Variants in SPOCK3 observed in about 807,000 individuals in gnomAD.
SPOCK3 encodes the protein SPARC (osteonectin), cwcv and kazal like domains proteoglycan 3.
Under a neutral mutation model 56.6 loss-of-function variants are expected in SPOCK3, and 30 were observed. That is an observed-to-expected ratio of 0.53 (90% CI 0.40 to 0.72). The LOEUF is 0.72. SPOCK3 is among the 30% of genes least tolerant of loss of function. The pLI is 0.00. For missense variants in SPOCK3, 527 were observed against 530.0 expected, an observed-to-expected ratio of 0.99 and a Z score of 0.06; for synonymous variants, 196 against 183.3, an observed-to-expected ratio of 1.07 and a Z score of -0.56.
chr4:166,743,726 G>C (rs1179411051), intron 8 of SPOCK3, among the ~76,000 whole-genome samples: 1 of 152,146 alleles, frequency 6.6e-6, no homozygotes, highest in Non-Finnish European at 1.5e-5. Context: ...GTGATAGACG[G>C]TACCTGGAAA....
At chr4:166,912,827 C>CA (rs1328081864) in intron 4 of SPOCK3, 84 bp from the exon 5 acceptor site, 1 of 1,123,876 alleles carries the variant, frequency 8.9e-7, no homozygotes, top group African/African-American at 1.6e-5. Flanking sequence ...CCTAAACTGC[C>CA]ATTCCAACTC....
chr4:167,135,723 T>A (rs1306246114), intron 2 of SPOCK3, among the ~76,000 whole-genome samples: 2 of 144,236 alleles, frequency 1.4e-5, no homozygotes, highest in Non-Finnish European at 3.0e-5. Flanking sequence ...GTGTGTAAAA[T>A]TGTTAGGCTG....
At chr4:167,092,148 T>C (rs28625551) in intron 2 of SPOCK3, among the ~76,000 whole-genome samples, 47,843 of 151,890 alleles carry the variant, frequency 0.31, 9,644 homozygotes, top group African/African-American at 0.57. Context: ...GAGGGCAAGC[T>C]GAAGTAGGGT....
intron 2 of SPOCK3, among the ~76,000 whole-genome samples, chr4:167,150,060 T>G (rs187389487): frequency 4.7e-4 from 72 of 152,220 alleles, no homozygotes; most frequent in African/African-American, 1.6e-3. Context: ...TGAATTGTTC[T>G]CTTGATGTGT....
At chr4:167,136,423 C>T (rs2150391180) in intron 2 of SPOCK3, among the ~76,000 whole-genome samples, 1 of 152,124 alleles carries the variant, frequency 6.6e-6, no homozygotes, top group African/African-American at 2.4e-5. Context: ...AAAAGAACAA[C>T]ATAAATATGA....
At chr4:167,204,247 C>G (rs1322122986) in intron 2 of SPOCK3, among the ~76,000 whole-genome samples, 1 of 151,738 alleles carries the variant, frequency 6.6e-6, no homozygotes, top group Non-Finnish European at 1.5e-5. Context: ...TAGAAACTCT[C>G]TGGATACAAG....
intron 6 of SPOCK3, among the ~76,000 whole-genome samples, chr4:166,807,378 C>T (rs1743289480): frequency 6.6e-6 from 1 of 151,694 alleles, no homozygotes; most frequent in South Asian, 2.1e-4. Flanking sequence ...TCATCTTCGT[C>T]ACTTAAGGAG....
chr4:166,886,702 TA>T (rs535304730), intron 6 of SPOCK3, among the ~76,000 whole-genome samples: 671 of 152,284 alleles, frequency 4.4e-3, no homozygotes, highest in Non-Finnish European at 6.6e-3. Context: ...CAGAAAGATT[TA>T]AGAAATATCT....
intron 7 of SPOCK3, 109 bp downstream of exon 7, chr4:166,792,061 T>A (rs1741415295): frequency 1.6e-6 from 2 of 1,273,216 alleles, no homozygotes; most frequent in Non-Finnish European, 2.2e-6. Context: ...TTTTATTCAG[T>A]ATATATGCAG....
At chr4:167,091,705 G>C (rs1465812427) in intron 2 of SPOCK3, among the ~76,000 whole-genome samples, 2 of 152,060 alleles carry the variant, frequency 1.3e-5, no homozygotes, top group Non-Finnish European at 2.9e-5. Context: ...TTTAATTTTT[G>C]TAATACTGTG....
chr4:166,870,313 CA>C (rs1338837624), intron 6 of SPOCK3, among the ~76,000 whole-genome samples: 3 of 151,834 alleles, frequency 2.0e-5, no homozygotes, highest in East Asian at 1.9e-4. Flanking sequence ...TGATAAAGCA[CA>C]AAAAAATTAG....
chr4:166,770,310 A>C (rs1738757521), intron 7 of SPOCK3, among the ~76,000 whole-genome samples: 1 of 151,872 alleles, frequency 6.6e-6, no homozygotes, highest in Middle Eastern at 3.2e-3. Context: ...AGCTGTTCCT[A>C]TTCGACCATC....
At chr4:167,185,228 T>C (rs764767056) in intron 2 of SPOCK3, among the ~76,000 whole-genome samples, 5 of 152,290 alleles carry the variant, frequency 3.3e-5, no homozygotes, top group African/African-American at 1.2e-4. Context: ...CATCAGGGCA[T>C]GGAATATGGG....
chr4:167,148,770 T>G (rs1349367339), intron 2 of SPOCK3, among the ~76,000 whole-genome samples: 1 of 152,144 alleles, frequency 6.6e-6, no homozygotes, highest in Admixed American at 6.6e-5. Context: ...ATATAGTGCC[T>G]TCCTTGAAAC....
At chr4:166,896,083 CATT>C (rs1164364839) in intron 5 of SPOCK3, among the ~76,000 whole-genome samples, 37 of 151,992 alleles carry the variant, frequency 2.4e-4, no homozygotes, top group African/African-American at 8.9e-4. Flanking sequence ...GCAGTTAGAA[CATT>C]ATTAAGAGTA....
rs183028254 is a variant in SPOCK3 at position 166,949,338 on chromosome 4, C to T, written c.351-36595G>A. 2.3e-3 allele frequency among the ~76,000 whole-genome samples: 350 copies of T among 152,346 alleles called. 10 individuals are homozygous for T. In the East Asian group the frequency reaches 0.063, roughly 27 times the overall value. ...ATCGTCTGAAGCCTTCTTCTCTCAA[C>T]TCGTCAAAGTCATTCTCCATCCAGC... is the stretch of plus-strand genomic sequence containing the variant. On this transcript the variant is annotated intron_variant, in intron 4 of 10. Coordinates refer to ENST00000357545, the MANE Select transcript of SPOCK3 (RefSeq NM_001040159.2).
At chr4:167,072,909 G>A (rs766226693) in intron 2 of SPOCK3, among the ~76,000 whole-genome samples, 1 of 151,792 alleles carries the variant, frequency 6.6e-6, no homozygotes, top group Non-Finnish European at 1.5e-5. Context: ...GCTAAATTAA[G>A]GTCAAGTGCC....
intron 7 of SPOCK3, among the ~76,000 whole-genome samples, chr4:166,773,452 G>C (rs1739184350): frequency 6.6e-6 from 1 of 152,034 alleles, no homozygotes; most frequent in South Asian, 2.1e-4. Flanking sequence ...TTAGATGTTT[G>C]ACAATCAATA....
chr4:166,986,505 C>T (rs1387560869), intron 4 of SPOCK3, among the ~76,000 whole-genome samples: 1 of 152,106 alleles, frequency 6.6e-6, no homozygotes, highest in Non-Finnish European at 1.5e-5. Context: ...GAAATCTGCA[C>T]CTTCTCAGGA....
Sources: gnomAD v4.1 joint callset for allele counts (sites outside exome capture counted in the v4.1 genomes callset) on GRCh38, gnomAD v4.1.1 for gene constraint, MANE v1.5 for transcripts, NCBI Gene and HGNC (gene_info 2026-07-23, HGNC 2026-07-21) for gene names.